The following KCNA6 variants were observed in gnomAD, a reference collection of about 807,000 sequenced individuals.
KCNA6 encodes human brain potassium channel-2.
A neutral mutation model predicts 29.5 loss-of-function variants in KCNA6; 17 were observed. That is an observed-to-expected ratio of 0.58 (90% CI 0.39 to 0.86). The LOEUF (loss-of-function observed/expected upper bound fraction) is 0.86, where lower values mean the gene tolerates loss of function less well. KCNA6 is among the 40% of genes least tolerant of loss of function. The pLI, the probability that KCNA6 is intolerant of heterozygous loss-of-function variation, is 0.00. For synonymous variants in KCNA6, 296 were observed against 304.7 expected (o/e 0.97, Z 0.30); for missense variants, 450 against 703.4 (o/e 0.64, Z 4.07).
At chr12:4,836,351 G>C in the KCNA6 span, among the ~76,000 whole-genome samples, 11 of 152,302 alleles carry the variant, frequency 7.2e-5, no homozygotes, top group African/African-American at 2.4e-4. Flanking sequence ...GTGAAGGCAG[G>C]TAACAGGTGG....
At position 4,811,253 on chromosome 12, in the gene KCNA6, G is replaced by A. The variant is rs1193288500; in HGVS notation, c.1212G>A (p.Ser404=). 6 of 1,614,110 alleles carry A rather than the reference G, an allele frequency of 3.7e-6. No individual in the cohort carries two copies. Among genetic ancestry groups the A allele is most frequent in the Non-Finnish European group, 4.2e-6 (5 of 1,180,046 alleles). The change falls in exon 1 of 1, where the codon TCG becomes TCA. Residue 404 remains serine (S), a synonymous_variant. Transcript: ENST00000280684. The surrounding 1 kb of genome is among the most constrained non-coding windows in gnomAD (Gnocchi z 7.1). ...TCGCAGAGGCTGACGATGACGATTCGCTTTTTCCCAGCATCCCGGATGCCT... is the reference window on the plus strand; with the variant it reads ...TCGCAGAGGCTGACGATGACGATTCACTTTTTCCCAGCATCCCGGATGCCT...
chr12:4,835,122 A>G, the KCNA6 span, among the ~76,000 whole-genome samples: 84 of 147,418 alleles, frequency 5.7e-4, no homozygotes, highest in African/African-American at 2.1e-3. Context: ...TTTTTCTAAG[A>G]AACAGAGAAT....
the KCNA6 span, chr12:4,842,740 G>C: frequency 6.6e-6 from 1 of 152,178 alleles, no homozygotes; most frequent in Non-Finnish European, 1.5e-5. Flanking sequence ...TTCCCACCAG[G>C]TTCCGCCCCC....
chr12:4,810,917 C>A lies in KCNA6; in HGVS notation c.876C>A (p.Phe292Leu). The change falls in exon 1 of 1, where the codon TTC becomes TTA. Residue 292 changes from phenylalanine (F) to leucine (L), a missense_variant. By Grantham distance (22) the Phe-to-Leu change is conservative. Coordinates refer to ENST00000280684, the Ensembl canonical transcript of KCNA6. This position sits in a 1 kb window ranked among gnomAD's most constrained non-coding sequence, Gnocchi z 7.5. ...CCTGCCCTAGCAAGCCGGCCTTCTT[C>A]CGGAACATCATGAACATCATTGACT... 6.2e-7 allele frequency: 1 copy of A among 1,614,228 alleles called. No individual in the cohort carries two copies. The highest frequency in any genetic ancestry group is 8.5e-7 in the Non-Finnish European group (1 of 1,180,036).
the KCNA6 span, among the ~76,000 whole-genome samples, chr12:4,840,181 AT>A: frequency 1.4e-5 from 1 of 70,452 alleles, no homozygotes; most frequent in Non-Finnish European, 3.2e-5. Context: ...TTTGCATTTC[AT>A]TGATGATGAT....
At chr12:4,826,332 A>G in the KCNA6 span, among the ~76,000 whole-genome samples, 1 of 152,138 alleles carries the variant, frequency 6.6e-6, no homozygotes, top group Admixed American at 6.5e-5. Context: ...CTCCTCACCA[A>G]CTGGTCCAGG....
chr12:4,837,636 T>C, the KCNA6 span, among the ~76,000 whole-genome samples: 7 of 152,108 alleles, frequency 4.6e-5, no homozygotes, highest in Non-Finnish European at 7.4e-5. Context: ...TCTGTGCTGA[T>C]TGTTGTGGTG....
At chr12:4,826,641 C>T in the KCNA6 span, among the ~76,000 whole-genome samples, 1 of 152,242 alleles carries the variant, frequency 6.6e-6, no homozygotes, top group Non-Finnish European at 1.5e-5. Flanking sequence ...AGAGTCTTCA[C>T]TGTAAAGTGA....
At chr12:4,836,182 C>G in the KCNA6 span, among the ~76,000 whole-genome samples, 1 of 151,142 alleles carries the variant, frequency 6.6e-6, no homozygotes, top group African/African-American at 2.4e-5. Flanking sequence ...ACTCTGACCT[C>G]GGGTGATCCA....
chr12:4,813,970 TTCTC>T (rs1372808302), downstream of KCNA6: 11 of 167,188 alleles, frequency 6.6e-5, no homozygotes, highest in African/African-American at 2.6e-4. Flanking sequence ...TTCCAGACTG[TTCTC>T]TCTATCTTCT....
the KCNA6 span, among the ~76,000 whole-genome samples, chr12:4,830,805 C>T: frequency 6.6e-6 from 1 of 152,240 alleles, no homozygotes; most frequent in South Asian, 2.1e-4. Context: ...GTTTGCCTTG[C>T]AGGCAATGCG....
the KCNA6 span, among the ~76,000 whole-genome samples, chr12:4,849,724 A>G: frequency 1.3e-5 from 2 of 152,156 alleles, no homozygotes; most frequent in African/African-American, 4.8e-5. Flanking sequence ...AATGATTTAA[A>G]TTACAAATAT....
At chr12:4,833,895 CCTT>C in the KCNA6 span, among the ~76,000 whole-genome samples, 1 of 148,786 alleles carries the variant, frequency 6.7e-6, no homozygotes, top group Non-Finnish European at 1.5e-5. Context: ...TTCTTCTTCT[CCTT>C]CTCCTTCTTC....
rs267603494 is a variant in KCNA6 at position 4,811,581 on chromosome 12, C to T, written c.1540C>T (p.Pro514Ser). Residue 514 changes from proline (P) to serine (S), a missense_variant, in exon 1 of 1, where the codon CCT becomes TCT. Pro to Ser is a moderately conservative substitution (Grantham distance 74). Around this residue, in one of 7 missense-constraint regions of KCNA6, gnomAD observed 56 missense variants for 65.2 expected, o/e 0.86. Coordinates refer to ENST00000280684, the Ensembl canonical transcript of KCNA6. This position sits in a 1 kb window ranked among gnomAD's most constrained non-coding sequence, Gnocchi z 7.1. ...CCGGGAACGGAGACCCAGCTACCTTCCTACACCACATCGGGCCTATGCAGA... is the reference window on the plus strand; with the variant it reads ...CCGGGAACGGAGACCCAGCTACCTTTCTACACCACATCGGGCCTATGCAGA... The T allele has an allele frequency of 2.5e-6, 4 of 1,614,114 alleles. No homozygotes were observed. Among genetic ancestry groups the T allele is most frequent in the African/African-American group, 1.3e-5 (1 of 74,940 alleles).
rs1175577677 is a variant in KCNA6 at position 4,810,390 on chromosome 12, T to C, written c.349T>C (p.Phe117Leu). 1.2e-6 allele frequency: 2 copies of C among 1,614,038 alleles called. No individual in the cohort carries two copies. Among genetic ancestry groups the C allele is most frequent in the Non-Finnish European group, 1.7e-6 (2 of 1,180,024 alleles). ...GCCGGTCAACGTGCCCCTGGACATT[T>C]TCCTGGAGGAGATCCGCTTCTACCA... The change falls in exon 1 of 1, where the codon TTC (phenylalanine) becomes CTC (leucine). Residue 117 changes from phenylalanine to leucine, a missense_variant. Transcript: ENST00000280684. The surrounding 1 kb of genome is among the most constrained non-coding windows in gnomAD (Gnocchi z 7.5).
At chr12:4,821,765 C>T in the KCNA6 span, among the ~76,000 whole-genome samples, 1 of 152,224 alleles carries the variant, frequency 6.6e-6, no homozygotes, top group Non-Finnish European at 1.5e-5. Context: ...CGGCCCCCTG[C>T]AGAAGGACGT....
At chr12:4,830,620 T>C in the KCNA6 span, among the ~76,000 whole-genome samples, 2 of 152,214 alleles carry the variant, frequency 1.3e-5, no homozygotes, top group African/African-American at 4.8e-5. Flanking sequence ...CTCTCCTCAT[T>C]CAAACCGAGG....
chr12:4,821,418 ATGTGTGTGTG>A, the KCNA6 span, among the ~76,000 whole-genome samples: 1,381 of 143,508 alleles, frequency 9.6e-3, 17 homozygotes, highest in African/African-American at 0.032. Flanking sequence ...ACTCACTTGG[ATGTGTGTGTG>A]TGTGTGTGTG....
the KCNA6 span, among the ~76,000 whole-genome samples, chr12:4,845,772 T>A: frequency 6.6e-6 from 1 of 152,092 alleles, no homozygotes; most frequent in Admixed American, 6.5e-5. Context: ...AAAATATTAG[T>A]CTAAGGGTAA....
Sources: allele counts gnomAD v4.1 joint callset (sites outside exome capture counted in the v4.1 genomes callset), GRCh38; gene constraint gnomAD v4.1.1; regional missense constraint gnomAD v4.1.1; non-coding constraint Gnocchi (gnomAD v3.1); transcripts MANE v1.5; gene names NCBI Gene and HGNC (gene_info 2026-07-23, HGNC 2026-07-21).